MIS18BP1: variants seen among roughly 807,000 people sequenced by gnomAD.
MIS18BP1 encodes the protein mis18-binding protein 1.
A neutral mutation model predicts 116.1 loss-of-function variants in MIS18BP1; 72 were observed. The ratio of observed to expected loss-of-function variants is 0.62; its 90% confidence interval spans 0.51 to 0.75. MIS18BP1 has a LOEUF of 0.75. MIS18BP1 is among the 30% of genes least tolerant of loss of function. The pLI, the probability that MIS18BP1 is intolerant of heterozygous loss-of-function variation, is 0.00. For missense variants in MIS18BP1, 1,363 were observed against 1,303.2 expected, an observed-to-expected ratio of 1.05 and a Z score of -0.71; for synonymous variants, 386 against 427.0, an observed-to-expected ratio of 0.90 and a Z score of 1.18.
At position 45,224,189 on chromosome 14, in the gene MIS18BP1, CT is replaced by C. The variant is rs759557354; in HGVS notation, c.2397del (p.Val800TrpfsTer4). 1 of 1,614,096 alleles carries C rather than the reference CT, an allele frequency of 6.2e-7. No individual in the cohort carries two copies. ...CTTGTGCTCTTTCTCAGGTGAACCACTGCTTCTTTGGTGTTTCCTGCTTTGG... is the reference window on the plus strand; with the variant it reads ...CTTGTGCTCTTTCTCAGGTGAACCACGCTTCTTTGGTGTTTCCTGCTTTGG... ...KKTKAGNTKE[A>X]VVHLRKSTRN... On this transcript the variant is annotated frameshift_variant, in exon 11 of 17. Coordinates refer to ENST00000310806, the MANE Select transcript of MIS18BP1 (RefSeq NM_018353.5). LOFTEE classifies it high-confidence loss of function.
intron 14 of MIS18BP1, among the ~76,000 whole-genome samples, chr14:45,209,869 G>A (rs1485027487): frequency 6.6e-6 from 1 of 152,146 alleles, no homozygotes; most frequent in Non-Finnish European, 1.5e-5. Context: ...TGCATTCCTT[G>A]TTAGTTTGTA....
chr14:45,204,182 A>C lies in MIS18BP1; in HGVS notation c.3326T>G (p.Leu1109Arg), dbSNP rs1890445841. 1 of 1,611,026 alleles carries C rather than the reference A, an allele frequency of 6.2e-7. No homozygotes were observed. The highest frequency in any genetic ancestry group is 1.7e-5 in the Admixed American group (1 of 59,596). The change falls in exon 17 of 17, where the codon CTT becomes CGT. Residue 1109 changes from leucine (L) to arginine (R), a missense_variant. Leu to Arg is a moderately radical substitution (Grantham distance 102). Transcript: ENST00000310806. Reference sequence around the variant, plus strand: ...TAAAGATTCCACAGCATTAGTGAAAAGTTTTCCAATACCAGAGTTTTCTCC... The same window carrying C: ...TAAAGATTCCACAGCATTAGTGAAACGTTTTCCAATACCAGAGTTTTCTCC... ...DLGENSGIGKLFTNAVESLDE... is the reference protein window; with the variant it reads ...DLGENSGIGKRFTNAVESLDE...
At chr14:45,218,594 GAA>G in intron 11 of MIS18BP1, 140 bp from the exon 12 acceptor site, 1 of 822,426 alleles carries the variant, frequency 1.2e-6, no homozygotes, top group African/African-American at 1.8e-5. Context: ...TAACAATTAA[GAA>G]AGATATTATT....
chr14:45,217,145 A>T lies in MIS18BP1; in HGVS notation c.2877T>A (p.Ile959=), dbSNP rs759110150. 16 of 1,614,124 alleles carry T rather than the reference A, an allele frequency of 9.9e-6. No homozygotes were observed. Among genetic ancestry groups the T allele is most frequent in the Middle Eastern group, 1.6e-4 (1 of 6,062 alleles). Residue 959 remains isoleucine (I), a synonymous_variant, in exon 13 of 17, where the codon ATT becomes ATA. Transcript: ENST00000310806. ...KRGDADQKQT[I]KITAKVGTLK... ...GAGTTCCCACTTTGGCAGTTATCTT[A>T]ATAGTTTGTTTCTGATCAGCATCAC...
intron 1 of MIS18BP1, among the ~76,000 whole-genome samples, 167 bp downstream of exon 1, chr14:45,252,868 C>T (rs1891917759): frequency 6.6e-6 from 1 of 152,092 alleles, no homozygotes; most frequent in African/African-American, 2.4e-5. Context: ...GTACAGTAGA[C>T]ACGCAACAAG....
rs778301258 is a variant in MIS18BP1 at position 45,242,751 on chromosome 14, A to AAT, written c.658+8_658+9dup. ...AGTAACAAACTGAAAACAAACCAAAAATAGTTTACCGTAAGTTAAATTGTG... is the reference window on the plus strand; with the variant it reads ...AGTAACAAACTGAAAACAAACCAAAAATATAGTTTACCGTAAGTTAAATTGTG... On this transcript the variant is annotated intron_variant, in intron 3 of 16. Coordinates refer to ENST00000310806, the MANE Select transcript of MIS18BP1 (RefSeq NM_018353.5). The AAT allele has an allele frequency of 2.5e-6, 4 of 1,591,912 alleles. No individual in the cohort carries two copies. The highest frequency in any genetic ancestry group is 3.4e-6 in the Non-Finnish European group (4 of 1,168,584).
intron 5 of MIS18BP1, among the ~76,000 whole-genome samples, chr14:45,236,395 T>G (rs1331349094): frequency 2.6e-5 from 4 of 152,232 alleles, no homozygotes; most frequent in African/African-American, 9.6e-5. Context: ...CCTTTCATTT[T>G]GGAAGGTACC....
At chr14:45,235,013 T>C (rs765080045) in intron 6 of MIS18BP1, among the ~76,000 whole-genome samples, 1 of 151,950 alleles carries the variant, frequency 6.6e-6, no homozygotes, top group Non-Finnish European at 1.5e-5. Flanking sequence ...AGGTCACAAG[T>C]TCAAGACCAG....
rs1190406456 is a variant in MIS18BP1 at position 45,203,688 on chromosome 14, A to C, written c.*421T>G. 2.6e-5 allele frequency: 4 copies of C among 153,034 alleles called. No individual in the cohort carries two copies. The highest frequency in any genetic ancestry group is 9.6e-5 in the African/African-American group (4 of 41,468). The allele number at this position is 153,034 out of a possible 1,614,324, so 9.5% of individuals were successfully genotyped here. Reference sequence around the variant, plus strand: ...TCTGGCTTGGATAATAACTGCTAACAAATGCTAACTTAAAAGTTTTCATGA... The same window carrying C: ...TCTGGCTTGGATAATAACTGCTAACCAATGCTAACTTAAAAGTTTTCATGA... On this transcript the variant is annotated 3_prime_UTR_variant, in exon 17 of 17. Coordinates refer to ENST00000310806, the MANE Select transcript of MIS18BP1 (RefSeq NM_018353.5).
At chr14:45,236,785 C>T (rs982753869) in intron 5 of MIS18BP1, among the ~76,000 whole-genome samples, 9 of 152,116 alleles carry the variant, frequency 5.9e-5, no homozygotes, top group Non-Finnish European at 1.2e-4. Flanking sequence ...GTAAGTAATA[C>T]CATTATCCAT....
chr14:45,242,168 T>C lies in MIS18BP1; in HGVS notation c.1009A>G (p.Lys337Glu). ...PGETGLPGSM[K>E]DTCKIVLATP... ...GCAAGTACAATTTTACATGTATCTT[T>C]CATGGAACCTGGAAGACCTGTCTCT... Residue 337 changes from lysine (K) to glutamate (E), a missense_variant, in exon 4 of 17, where the codon AAA becomes GAA. Physicochemically the swap from Lys to Glu is moderately conservative, Grantham distance 56 (BLOSUM62 1). Coordinates refer to ENST00000310806, the MANE Select transcript of MIS18BP1 (RefSeq NM_018353.5). The C allele has an allele frequency of 1.9e-6, 3 of 1,614,138 alleles. No individual in the cohort carries two copies. The highest frequency in any genetic ancestry group is 4.5e-5 in the East Asian group (2 of 44,872).
intron 1 of MIS18BP1, among the ~76,000 whole-genome samples, chr14:45,251,132 A>G (rs1438123881): frequency 6.6e-6 from 1 of 151,742 alleles, no homozygotes; most frequent in Non-Finnish European, 1.5e-5. Context: ...GTGGTCCCAT[A>G]AGATTATTTT....
Position 45,235,547 on chromosome 14 carries a change from G to A in MIS18BP1, c.1348+267C>T, listed in dbSNP as rs145487243. 0.028 allele frequency among the ~76,000 whole-genome samples: 3,950 copies of A among 139,918 alleles called. 102 individuals carry two copies. The highest frequency in any genetic ancestry group is 0.072 in the African/African-American group (2,680 of 37,306). The allele number at this position is 139,918 out of a possible 152,430, so 91.8% of individuals were successfully genotyped here. ...GGAGGTTGCAGTGAGCCGAGATCGT[G>A]CCACTGCACTCCAGCCTGGGTGACA... is the stretch of plus-strand genomic sequence containing the variant. On this transcript the variant is annotated intron_variant, in intron 6 of 16. Coordinates refer to ENST00000310806, the MANE Select transcript of MIS18BP1 (RefSeq NM_018353.5).
At chr14:45,223,154 TC>T (rs1405910425) in intron 11 of MIS18BP1, among the ~76,000 whole-genome samples, 2 of 152,134 alleles carry the variant, frequency 1.3e-5, no homozygotes, top group Admixed American at 6.5e-5. Context: ...GTGTCAGAAG[TC>T]CCCCTTTCTG....
chr14:45,250,791 T>TGATCACGAGGCGAATGACGGCG (rs1293335877), intron 1 of MIS18BP1, among the ~76,000 whole-genome samples: 1 of 151,574 alleles, frequency 6.6e-6, no homozygotes, highest in African/African-American at 2.4e-5. Flanking sequence ...GGAGGCCAAG[T>TGATCACGAGGCGAATGACGGCG]GATCACGAGG....
intron 14 of MIS18BP1, among the ~76,000 whole-genome samples, chr14:45,208,995 C>T (rs934089926): frequency 1.1e-4 from 17 of 152,012 alleles, no homozygotes; most frequent in Non-Finnish European, 2.4e-4. Context: ...TTAGTCACCC[C>T]TACTTTTTTC....
chr14:45,234,498 G>A (rs141498401), intron 6 of MIS18BP1, among the ~76,000 whole-genome samples: 12 of 152,324 alleles, frequency 7.9e-5, no homozygotes, highest in Admixed American at 1.3e-4. Context: ...CCAAGCAGGT[G>A]AGTAGATGTG....
chr14:45,206,126 T>C lies in MIS18BP1; in HGVS notation c.3197A>G (p.Lys1066Arg), dbSNP rs374999798. 7 of 1,609,366 alleles carry C rather than the reference T, an allele frequency of 4.3e-6. No homozygotes were observed. Among genetic ancestry groups the C allele is most frequent in the Non-Finnish European group, 4.3e-6 (5 of 1,176,360 alleles). The part of the protein sequence containing the change: ...KYVFRMQKYH[K>R]SNGGIVWGNI... Reference sequence around the variant, plus strand: ...GCCCCAGACAATACCACCATTACTTTTATGATATTTTTGCATACGAAAAAC... The same window carrying C: ...GCCCCAGACAATACCACCATTACTTCTATGATATTTTTGCATACGAAAAAC... Residue 1066 changes from lysine to arginine, a missense_variant, in exon 15 of 17, where the codon AAA (lysine) becomes AGA (arginine). Lys to Arg is a conservative substitution (Grantham distance 26). Transcript: ENST00000310806.
chr14:45,207,433 C>T (rs1441087580), intron 14 of MIS18BP1, among the ~76,000 whole-genome samples: 1 of 152,074 alleles, frequency 6.6e-6, no homozygotes, highest in African/African-American at 2.4e-5. Flanking sequence ...GGCGGATTAC[C>T]TGAAGTCAGG....
Sources: allele counts gnomAD v4.1 joint callset (sites outside exome capture counted in the v4.1 genomes callset), GRCh38; gene constraint gnomAD v4.1.1; transcripts MANE v1.5; gene names NCBI Gene and HGNC (gene_info 2026-07-23, HGNC 2026-07-21).